Variants in USP42 observed in about 807,000 individuals in gnomAD.
USP42 encodes ubiquitin specific peptidase 42.
USP42 carries 23 observed loss-of-function variants against 113.0 expected under a neutral mutation model. The observed-to-expected ratio is 0.20, with a 90% confidence interval of 0.15 to 0.29. USP42 has a LOEUF of 0.29. USP42 is among the 10% of genes least tolerant of loss of function. The probability of loss-of-function intolerance (pLI) is 1.00; values close to 1 mark genes in which losing one functional copy is unlikely to be tolerated. For missense variants in USP42, 2,174 were observed against 1,779.8 expected, an observed-to-expected ratio of 1.22 and a Z score of -3.99; for synonymous variants, 933 against 699.0, an observed-to-expected ratio of 1.33 and a Z score of -5.28.
chr7:6,089,536 CTTTT>C, the USP42 span, among the ~76,000 whole-genome samples: 1 of 139,724 alleles, frequency 7.2e-6, no homozygotes, highest in Non-Finnish European at 1.6e-5. Flanking sequence ...CTGACTTTCT[CTTTT>C]TTTTTTTTTT....
upstream of USP42, among the ~76,000 whole-genome samples, chr7:6,104,608 C>A (rs935436877): frequency 6.6e-6 from 1 of 152,206 alleles, no homozygotes; most frequent in Non-Finnish European, 1.5e-5. Context: ...CTACGCCCGC[C>A]GCGCGCCGTC....
the USP42 span, among the ~76,000 whole-genome samples, chr7:6,081,470 G>A: frequency 5.9e-5 from 9 of 152,128 alleles, no homozygotes; most frequent in African/African-American, 1.9e-4. Flanking sequence ...ATCGCGCCTC[G>A]CTCCTTGCCC....
chr7:6,156,751 C>T lies in USP42; in HGVS notation c.3642-3C>T. The T allele has an allele frequency of 6.5e-7, 1 of 1,528,830 alleles. No homozygotes were observed. Among genetic ancestry groups the T allele is most frequent in the Non-Finnish European group, 8.8e-7 (1 of 1,142,606 alleles). The allele number at this position is 1,528,830 out of a possible 1,614,324, so 94.7% of individuals were successfully genotyped here. A position where few individuals can be genotyped will look rare whatever the true frequency, so the allele number is the denominator to read the frequency against. ...TTTTGAATTCTGGCTTTTCCTTCTGCAGGCATCAGCAGGACTCAGACCTCT... is the reference window on the plus strand; with the variant it reads ...TTTTGAATTCTGGCTTTTCCTTCTGTAGGCATCAGCAGGACTCAGACCTCT... On this transcript the variant is annotated splice_region_variant and splice_polypyrimidine_tract_variant and intron_variant, in intron 15 of 17. Coordinates refer to ENST00000306177, the MANE Select transcript of USP42 (RefSeq NM_032172.3).
At chr7:6,123,839 A>G (rs1780372621) in intron 3 of USP42, among the ~76,000 whole-genome samples, 2 of 150,310 alleles carry the variant, frequency 1.3e-5, no homozygotes, top group Admixed American at 6.6e-5. Context: ...TCTCAAAAAA[A>G]AAAAAAAAAA....
At chr7:6,112,900 CT>C (rs34002709) in intron 2 of USP42, among the ~76,000 whole-genome samples, 8,826 of 102,616 alleles carry the variant, frequency 0.086, 255 homozygotes, top group East Asian at 0.31. Context: ...TAGTAAGTTT[CT>C]TTTTTTTTTT....
intron 12 of USP42, 32 bp downstream of exon 12, chr7:6,147,924 T>C: frequency 6.4e-7 from 1 of 1,562,390 alleles, no homozygotes; most frequent in Non-Finnish European, 8.7e-7. Flanking sequence ...AACATTTTTA[T>C]GTTAATTTTT....
chr7:6,090,401 A>G, the USP42 span, among the ~76,000 whole-genome samples: 1 of 143,038 alleles, frequency 7.0e-6, no homozygotes, highest in South Asian at 2.1e-4. Flanking sequence ...GTTTATATTT[A>G]TATATATTAT....
chr7:6,130,353 C>G (rs1039127372), intron 3 of USP42, among the ~76,000 whole-genome samples: 1 of 152,212 alleles, frequency 6.6e-6, no homozygotes. Flanking sequence ...TCCTGCTCCC[C>G]ACATGGTCTC....
At chr7:6,092,001 T>TCTA in the USP42 span, among the ~76,000 whole-genome samples, 1 of 77,544 alleles carries the variant, frequency 1.3e-5, no homozygotes, top group Non-Finnish European at 3.0e-5. Context: ...TTCTTCTTCT[T>TCTA]CTTCTTCTTC....
At chr7:6,144,812 G>T (rs1391340522) in intron 9 of USP42, among the ~76,000 whole-genome samples, 1 of 151,802 alleles carries the variant, frequency 6.6e-6, no homozygotes, top group Non-Finnish European at 1.5e-5. Flanking sequence ...AGAGGTTGCA[G>T]TGAGCCGAGA....
At chr7:6,127,713 C>G (rs892346256) in intron 3 of USP42, among the ~76,000 whole-genome samples, 2 of 152,254 alleles carry the variant, frequency 1.3e-5, no homozygotes, top group South Asian at 2.1e-4. Context: ...TGATTCCTTC[C>G]ACTTTATTCT....
At chr7:6,121,148 T>C (rs546640160) in intron 3 of USP42, among the ~76,000 whole-genome samples, 5 of 152,320 alleles carry the variant, frequency 3.3e-5, no homozygotes, top group South Asian at 2.1e-4. Context: ...TTTTTCTTGC[T>C]GTTTTTTTCT....
At chr7:6,107,151 C>A (rs1334793557) in intron 1 of USP42, among the ~76,000 whole-genome samples, 2 of 152,102 alleles carry the variant, frequency 1.3e-5, no homozygotes, top group Admixed American at 6.6e-5. Flanking sequence ...TCCACAGTTA[C>A]AATGCTGTAT....
At chr7:6,120,318 C>T (rs1477522360) in intron 3 of USP42, among the ~76,000 whole-genome samples, 1 of 152,148 alleles carries the variant, frequency 6.6e-6, no homozygotes, top group African/African-American at 2.4e-5. Context: ...TCTCCACTCA[C>T]TGTAACCTCC....
the USP42 span, among the ~76,000 whole-genome samples, chr7:6,086,531 G>A: frequency 6.6e-6 from 1 of 150,756 alleles, no homozygotes; most frequent in East Asian, 1.9e-4. Flanking sequence ...TGTATTTTTA[G>A]TAGAGACTAG....
chr7:6,159,933 C>T lies in USP42; in HGVS notation c.*36+440C>T, dbSNP rs1782677668. ...TGCTGCTGTCTGCGCCCCGAGGTGGCACTGAGCTGGAGCCAGCACCCCCCC... is the reference window on the plus strand; with the variant it reads ...TGCTGCTGTCTGCGCCCCGAGGTGGTACTGAGCTGGAGCCAGCACCCCCCC... On this transcript the variant is annotated intron_variant, in intron 17 of 17. Coordinates refer to ENST00000306177, the MANE Select transcript of USP42 (RefSeq NM_032172.3). This position sits in a 1 kb window ranked among gnomAD's most constrained non-coding sequence, Gnocchi z 4.1. Among the ~76,000 whole-genome samples, 1 of 152,234 alleles carries T rather than the reference C, an allele frequency of 6.6e-6. No homozygotes were observed. The highest frequency in any genetic ancestry group is 2.1e-4 in the South Asian group (1 of 4,832).
Position 6,153,994 on chromosome 7 carries a change from G to A in USP42, c.2440G>A (p.Ala814Thr), listed in dbSNP as rs762741874. The stretch of plus-strand genomic sequence containing the variant: ...CGGCGAGGACATCGTGGGGGACACA[G>A]CACCCCCTGACCTGTGTGATCCCGG... ...SAGEDIVGDT[A>T]PPDLCDPGSL... Residue 814 changes from alanine to threonine, a missense_variant, in exon 15 of 18, where the codon GCA becomes ACA. Physicochemically the swap from Ala to Thr is moderately conservative, Grantham distance 58 (BLOSUM62 0). Transcript: ENST00000306177. The A allele has an allele frequency of 1.5e-4, 233 of 1,600,408 alleles. No individual in the cohort carries two copies. Among genetic ancestry groups the A allele is most frequent in the Non-Finnish European group, 1.9e-4 (227 of 1,176,950 alleles).
chr7:6,142,770 G>C (rs542323441), intron 7 of USP42, among the ~76,000 whole-genome samples, 162 bp from the exon 8 acceptor site: 2 of 152,210 alleles, frequency 1.3e-5, no homozygotes, highest in Admixed American at 1.3e-4. Context: ...CTGTGGTTTA[G>C]CTGCTCGGGA....
upstream of USP42, among the ~76,000 whole-genome samples, chr7:6,102,654 C>T (rs888209051): frequency 5.3e-5 from 8 of 150,524 alleles, no homozygotes; most frequent in African/African-American, 2.0e-4. Context: ...CTGTGGGCTG[C>T]GCAGAAGAGG....
Sources: allele counts gnomAD v4.1 joint callset (sites outside exome capture counted in the v4.1 genomes callset), GRCh38; gene constraint gnomAD v4.1.1; non-coding constraint Gnocchi (gnomAD v3.1); transcripts MANE v1.5; gene names NCBI Gene and HGNC (gene_info 2026-07-23, HGNC 2026-07-21).